The following DNAH11 variants were observed in gnomAD, a reference collection of about 807,000 sequenced individuals.
DNAH11 encodes the protein dynein axonemal heavy chain 11, also known as axonemal beta dynein heavy chain 11.
DNAH11 carries 442 observed loss-of-function variants against 526.0 expected under a neutral mutation model. That is an observed-to-expected ratio of 0.84 (90% CI 0.78 to 0.91). DNAH11 has a LOEUF of 0.91. Ranked by LOEUF, DNAH11 falls within the 40% of genes least tolerant of loss-of-function variation. The pLI is 0.00. For missense variants in DNAH11, 6,989 were observed against 5,448.7 expected, an observed-to-expected ratio of 1.28 and a Z score of -8.90; for synonymous variants, 2,461 against 1,935.9, an observed-to-expected ratio of 1.27 and a Z score of -7.12.
chr7:21,595,522 C>T (rs564613014), intron 14 of DNAH11, among the ~76,000 whole-genome samples: 14 of 152,170 alleles, frequency 9.2e-5, no homozygotes, highest in Admixed American at 2.6e-4. Context: ...AAGAAAGACA[C>T]GTTAAAGATT....
chr7:21,665,531 T>C (rs1401999448), intron 30 of DNAH11, among the ~76,000 whole-genome samples: 1 of 152,118 alleles, frequency 6.6e-6, no homozygotes, highest in Non-Finnish European at 1.5e-5. Context: ...GTCAACAACA[T>C]TGGGCTGGTT....
intron 54 of DNAH11, among the ~76,000 whole-genome samples, chr7:21,754,371 T>C (rs932933539): frequency 1.3e-5 from 2 of 152,120 alleles, no homozygotes; most frequent in African/African-American, 4.8e-5. Context: ...TATACAGAAG[T>C]TTTACATTTT....
intron 25 of DNAH11, among the ~76,000 whole-genome samples, chr7:21,635,597 A>G (rs1786824013): frequency 6.6e-6 from 1 of 151,806 alleles, no homozygotes; most frequent in Admixed American, 6.6e-5. Context: ...TCTGCCTGCA[A>G]TAGATGCAGG....
chr7:21,819,547 G>A (rs1789964304), intron 65 of DNAH11, among the ~76,000 whole-genome samples: 1 of 152,184 alleles, frequency 6.6e-6, no homozygotes, highest in South Asian at 2.1e-4. Context: ...TGTCACTGAA[G>A]TGAAATCCTT....
At chr7:21,753,486 A>G (rs185082507) in intron 54 of DNAH11, among the ~76,000 whole-genome samples, 3 of 152,292 alleles carry the variant, frequency 2.0e-5, no homozygotes, top group Admixed American at 1.3e-4. Flanking sequence ...AAACTTTTCT[A>G]CCTCTGAAAT....
chr7:21,621,944 A>T (rs562201389), intron 25 of DNAH11, among the ~76,000 whole-genome samples: 1 of 152,198 alleles, frequency 6.6e-6, no homozygotes, highest in Non-Finnish European at 1.5e-5. Flanking sequence ...CTCCTATTCA[A>T]CATAGTGTTG....
At chr7:21,650,322 T>C (rs1277610637) in intron 28 of DNAH11, among the ~76,000 whole-genome samples, 4 of 152,180 alleles carry the variant, frequency 2.6e-5, no homozygotes, top group African/African-American at 9.6e-5. Context: ...ATGTTCATTA[T>C]TGAACGTTTG....
In DNAH11 at chr7:21,710,608, A is replaced by T; in HGVS notation, c.6739A>T (p.Asn2247Tyr). ...LFSSILREQA[N>Y]LKHDGPKWIV... ...CTCATCCATTCTACGAGAACAAGCA[A>T]ATCTTAAGCATGATGGACCAAAATG... Residue 2247 changes from asparagine (N) to tyrosine (Y), a missense_variant, in exon 41 of 82, where the codon AAT (asparagine) becomes TAT (tyrosine). Transcript: ENST00000409508. 6.2e-7 allele frequency: 1 copy of T among 1,613,222 alleles called. No homozygotes were observed. Among genetic ancestry groups the T allele is most frequent in the Non-Finnish European group, 8.5e-7 (1 of 1,179,444 alleles).
intron 8 of DNAH11, among the ~76,000 whole-genome samples, chr7:21,581,624 G>A (rs1053979007): frequency 6.6e-6 from 1 of 152,218 alleles, no homozygotes; most frequent in African/African-American, 2.4e-5. Context: ...ATGTGAGCAT[G>A]TGAGCCAAAG....
chr7:21,761,930 T>G (rs10807807), intron 54 of DNAH11, among the ~76,000 whole-genome samples: 45,568 of 152,138 alleles, frequency 0.3, 7,451 homozygotes, highest in East Asian at 0.46. Context: ...AGAGGTTTAA[T>G]TGACTCACAG....
chr7:21,617,856 A>G, intron 23 of DNAH11, 79 bp downstream of exon 23: 2 of 1,407,330 alleles, frequency 1.4e-6, no homozygotes, highest in Non-Finnish European at 1.9e-6. Flanking sequence ...TCTGAGATGA[A>G]GTGTAATTTA....
rs755459710 is a variant in DNAH11 at position 21,900,987 on chromosome 7, C to A, written c.13304-20C>A. The A allele has an allele frequency of 7.7e-6, 12 of 1,558,144 alleles. No homozygotes were observed. In the African/African-American group the frequency reaches 1.6e-4, roughly 21 times the overall value. On this transcript the variant is annotated intron_variant, in intron 81 of 81. Coordinates refer to ENST00000409508, the MANE Select transcript of DNAH11 (RefSeq NM_001277115.2). ...GTAGCAAGCTGCCACACAATTGCAA[C>A]CGCTGTGTTTTTGCCATAGGCGCCC...
At chr7:21,543,673 G>T in intron 1 of DNAH11, 77 bp downstream of exon 1, 1 of 1,468,086 alleles carries the variant, frequency 6.8e-7, no homozygotes, top group Non-Finnish European at 9.1e-7. Context: ...CTCCCCTTTG[G>T]ATTCCCGCGG....
At chr7:21,674,210 C>A (rs1373804471) in intron 30 of DNAH11, among the ~76,000 whole-genome samples, 1 of 151,980 alleles carries the variant, frequency 6.6e-6, no homozygotes, top group East Asian at 1.9e-4. Context: ...TAGGCGTGAT[C>A]ATGCCCAGCT....
At chr7:21,789,836 CTT>C (rs1201109551) in intron 61 of DNAH11, among the ~76,000 whole-genome samples, 1 of 104,142 alleles carries the variant, frequency 9.6e-6, no homozygotes, top group Non-Finnish European at 2.2e-5. Context: ...TTCTTTCTTT[CTT>C]TCTTTCTTTC....
intron 6 of DNAH11, among the ~76,000 whole-genome samples, chr7:21,567,850 G>A (rs1177946053): frequency 6.6e-6 from 1 of 152,232 alleles, no homozygotes; most frequent in East Asian, 1.9e-4. Flanking sequence ...TTGCGTGCTA[G>A]CACAGGCTTT....
chr7:21,722,648 G>A (rs1187212920), intron 44 of DNAH11, among the ~76,000 whole-genome samples: 1 of 152,078 alleles, frequency 6.6e-6, no homozygotes, highest in African/African-American at 2.4e-5. Context: ...GATTCCTTCT[G>A]TAATTTCCAA....
intron 63 of DNAH11, among the ~76,000 whole-genome samples, chr7:21,808,588 C>A (rs1789376055): frequency 6.6e-6 from 1 of 152,184 alleles, no homozygotes; most frequent in African/African-American, 2.4e-5. Context: ...TACTCTCTAC[C>A]TCCATAAGAT....
chr7:21,839,611 A>AC (rs923617710), intron 65 of DNAH11, among the ~76,000 whole-genome samples: 14 of 151,950 alleles, frequency 9.2e-5, no homozygotes, highest in African/African-American at 3.1e-4. Context: ...ATGCACAGGT[A>AC]TATACTGGCT....
Sources: allele counts gnomAD v4.1 joint callset (sites outside exome capture counted in the v4.1 genomes callset), GRCh38; gene constraint gnomAD v4.1.1; transcripts MANE v1.5; gene names NCBI Gene and HGNC (gene_info 2026-07-23, HGNC 2026-07-21).